The following FAM222A variants were observed in gnomAD, a reference collection of about 807,000 sequenced individuals.
FAM222A encodes the protein family with sequence similarity 222 member A, also known as protein FAM222A.
A neutral mutation model predicts 25.8 loss-of-function variants in FAM222A; 7 were observed. That is an observed-to-expected ratio of 0.27 (90% CI 0.15 to 0.51). The LOEUF (loss-of-function observed/expected upper bound fraction) is 0.51. Ranked by LOEUF, FAM222A falls within the 20% of genes least tolerant of loss-of-function variation. The pLI, the probability that FAM222A is intolerant of heterozygous loss-of-function variation, is 0.97. For missense variants in FAM222A, 573 were observed against 640.5 expected, an observed-to-expected ratio of 0.89 and a Z score of 1.14; for synonymous variants, 294 against 298.8, an observed-to-expected ratio of 0.98 and a Z score of 0.17.
At chr12:109,720,256 G>A in intron 1 of FAM222A, 2 of 892,308 alleles carry the variant, frequency 2.2e-6, no homozygotes, top group Non-Finnish European at 2.7e-6. Context: ...AGGGGGTGAG[G>A]CCGAGACTAG....
At position 109,768,164 on chromosome 12, in the gene FAM222A, G is replaced by T; in HGVS notation, c.235G>T (p.Val79Phe). ...CCAGCACAAGCACCTCAGCCGCACA[G>T]TCAATGGCTATGACACCAGTGGCCA... Reference protein sequence around the residue: ...VPQHKHLSRTVNGYDTSGQRY... With the variant: ...VPQHKHLSRTFNGYDTSGQRY... Residue 79 changes from valine (V) to phenylalanine (F), a missense_variant, in exon 3 of 3, where the codon GTC becomes TTC. By Grantham distance (50) the Val-to-Phe change is conservative. Transcript: ENST00000538780. 1 of 1,613,858 alleles carries T rather than the reference G, an allele frequency of 6.2e-7. No individual in the cohort carries two copies. Among genetic ancestry groups the T allele is most frequent in the Non-Finnish European group, 8.5e-7 (1 of 1,180,012 alleles).
chr12:109,755,284 CTTCTTT>C (rs1888689456), intron 2 of FAM222A, among the ~76,000 whole-genome samples: 1 of 68,012 alleles, frequency 1.5e-5, no homozygotes, highest in African/African-American at 5.9e-5. Flanking sequence ...GTCTGTAATT[CTTCTTT>C]TTTTTTTTTT....
intron 1 of FAM222A, among the ~76,000 whole-genome samples, chr12:109,736,385 A>G (rs1888086660): frequency 6.6e-6 from 1 of 152,166 alleles, no homozygotes; most frequent in Non-Finnish European, 1.5e-5. Context: ...TAAGGAATTA[A>G]CCCCTTTTGC....
chr12:109,744,337 C>T (rs1815756900), intron 2 of FAM222A, 109 bp downstream of exon 2: 1 of 1,450,544 alleles, frequency 6.9e-7, no homozygotes, highest in African/African-American at 1.4e-5. Flanking sequence ...TCTCTATGCT[C>T]TCTTAGGCCC....
chr12:109,764,902 T>C (rs1394348896), intron 2 of FAM222A, among the ~76,000 whole-genome samples: 2 of 152,178 alleles, frequency 1.3e-5, no homozygotes, highest in East Asian at 3.9e-4. Flanking sequence ...ATTTCCATTC[T>C]CCACACCGAG....
At chr12:109,731,403 G>A (rs1348077410) in intron 1 of FAM222A, among the ~76,000 whole-genome samples, 2 of 152,118 alleles carry the variant, frequency 1.3e-5, no homozygotes, top group Non-Finnish European at 2.9e-5. Context: ...TTAGAGTCCA[G>A]CAGACCTAGT....
In FAM222A at chr12:109,768,513, A is replaced by T. The variant is rs1197909444; in HGVS notation, c.584A>T (p.Asn195Ile). ...PGRGLPLPPSNLPSIHSLLYQ... is the reference protein window; with the variant it reads ...PGRGLPLPPSILPSIHSLLYQ... Reference sequence around the variant, plus strand: ...CGGGGCCTGCCCCTGCCACCTTCCAACCTGCCCTCCATCCACAGCCTCCTG... The same window carrying T: ...CGGGGCCTGCCCCTGCCACCTTCCATCCTGCCCTCCATCCACAGCCTCCTG... The change falls in exon 3 of 3, where the codon AAC (asparagine) becomes ATC (isoleucine). Residue 195 changes from asparagine (N) to isoleucine (I), a missense_variant. By Grantham distance (149) the Asn-to-Ile change is moderately radical. This residue lies in a region of FAM222A where 412 missense variants were observed against 407.0 expected (regional missense o/e 1.01). Transcript: ENST00000538780. 4 of 1,605,928 alleles carry T rather than the reference A, an allele frequency of 2.5e-6. No individual in the cohort carries two copies. The South Asian group carries it at 4.4e-5, about 18-fold the overall frequency.
chr12:109,725,883 C>T (rs1314500544), intron 1 of FAM222A, among the ~76,000 whole-genome samples: 4 of 152,062 alleles, frequency 2.6e-5, no homozygotes, highest in Middle Eastern at 3.4e-3. Flanking sequence ...AAAAGGGAAA[C>T]TCCACAGTGT....
chr12:109,756,634 C>T (rs1888740905), intron 2 of FAM222A, among the ~76,000 whole-genome samples: 1 of 152,162 alleles, frequency 6.6e-6, no homozygotes, highest in African/African-American at 2.4e-5. Flanking sequence ...GTCCTTCTGT[C>T]AATATGGTAT....
chr12:109,736,109 T>G (rs929343066), intron 1 of FAM222A, among the ~76,000 whole-genome samples: 1 of 152,150 alleles, frequency 6.6e-6, no homozygotes. Flanking sequence ...CGCTCTGAGG[T>G]TGGGGGGGTC....
At chr12:109,720,139 A>G in intron 1 of FAM222A, 1 of 985,428 alleles carries the variant, frequency 1.0e-6, no homozygotes. Flanking sequence ...GGCCTGGGCC[A>G]GTCCTGGCCC....
chr12:109,735,059 C>T (rs1888048481), intron 1 of FAM222A, among the ~76,000 whole-genome samples: 1 of 152,228 alleles, frequency 6.6e-6, no homozygotes, highest in African/African-American at 2.4e-5. Flanking sequence ...TCTGCCCCAG[C>T]CTGACCCCCA....
rs1490157199 is a variant in FAM222A, at chr12:109,756,369, TTTACTTCTTTCTAATATGA to T, written c.83-11642_83-11624del. Among the ~76,000 whole-genome samples the T allele has an allele frequency of 4.0e-5, 6 of 150,960 alleles. No homozygotes were observed. The East Asian group carries it at 9.7e-4, about 24-fold the overall frequency. ...AATGTCATCTGTGACTAGAGATGGT[TTTACTTCTTTCTAATATGA>T]ATGCTTTTTTTTTTTTTTTTTGTCT... On this transcript the variant is annotated intron_variant, in intron 2 of 2. Transcript: ENST00000538780.
chr12:109,752,657 A>G (rs1442546126), intron 2 of FAM222A, among the ~76,000 whole-genome samples: 1 of 152,216 alleles, frequency 6.6e-6, no homozygotes, highest in South Asian at 2.1e-4. Flanking sequence ...AAGGGCTCAG[A>G]TGAGGTGGAC....
intron 2 of FAM222A, among the ~76,000 whole-genome samples, chr12:109,756,286 A>AACTTCTTTATTCT (rs1228476665): frequency 6.6e-6 from 1 of 151,962 alleles, no homozygotes; most frequent in African/African-American, 2.4e-5. Flanking sequence ...AACCTTGCTG[A>AACTTCTTTATTCT]ACTTCTTTAT....
chr12:109,765,740 A>C (rs1889030842), intron 2 of FAM222A, among the ~76,000 whole-genome samples: 1 of 152,208 alleles, frequency 6.6e-6, no homozygotes, highest in Admixed American at 6.5e-5. Context: ...CAGCCTTCTG[A>C]TCAGTGGGGA....
chr12:109,715,348 A>T (rs1265712833), intron 1 of FAM222A, among the ~76,000 whole-genome samples: 1 of 152,130 alleles, frequency 6.6e-6, no homozygotes, highest in African/African-American at 2.4e-5. Context: ...ACGTTTGAGA[A>T]TTGTGCCCCA....
At chr12:109,733,099 G>T (rs1887986765) in intron 1 of FAM222A, among the ~76,000 whole-genome samples, 1 of 152,194 alleles carries the variant, frequency 6.6e-6, no homozygotes, top group South Asian at 2.1e-4. Flanking sequence ...TGGGGAAATG[G>T]AGCTGGCATG....
chr12:109,764,320 G>C (rs1196806102), intron 2 of FAM222A, among the ~76,000 whole-genome samples: 3 of 152,014 alleles, frequency 2.0e-5, no homozygotes, highest in Non-Finnish European at 4.4e-5. Flanking sequence ...GAATGGCAGA[G>C]GGACCAGGTC....
Sources: allele counts gnomAD v4.1 joint callset (sites outside exome capture counted in the v4.1 genomes callset), GRCh38; gene constraint gnomAD v4.1.1; regional missense constraint gnomAD v4.1.1; transcripts MANE v1.5; gene names NCBI Gene and HGNC (gene_info 2026-07-23, HGNC 2026-07-21).